BAG3: variants seen among roughly 807,000 people sequenced by gnomAD.
The protein encoded by BAG3 is BAG cochaperone 3, also known as BAG family molecular chaperone regulator 3.
BAG3 carries 14 observed loss-of-function variants against 40.5 expected under a neutral mutation model. The ratio of observed to expected loss-of-function variants is 0.35; its 90% CI spans 0.23 to 0.54. The LOEUF (loss-of-function observed/expected upper bound fraction) is 0.54. Ranked by LOEUF, BAG3 falls within the 20% of genes least tolerant of loss-of-function variation. The pLI is 0.91. For missense variants in BAG3, 788 were observed against 758.6 expected, an observed-to-expected ratio of 1.04 and a Z score of -0.46; for synonymous variants, 302 against 307.8, an observed-to-expected ratio of 0.98 and a Z score of 0.20.
At chr10:119,675,931 C>G (rs1186196238) in intron 3 of BAG3, among the ~76,000 whole-genome samples, 1 of 51,376 alleles carries the variant, frequency 1.9e-5, no homozygotes, top group Non-Finnish European at 4.1e-5. Flanking sequence ...CTCCCTCCCT[C>G]CCTTCCTTCT....
chr10:119,665,802 G>GT (rs58434745), intron 1 of BAG3, among the ~76,000 whole-genome samples: 46 of 150,730 alleles, frequency 3.1e-4, no homozygotes, highest in African/African-American at 1.0e-3. Flanking sequence ...TGTTGTTGTT[G>GT]TTTTTTTTTA....
At chr10:119,670,436 C>T (rs764006697) in intron 2 of BAG3, among the ~76,000 whole-genome samples, 6 of 152,200 alleles carry the variant, frequency 3.9e-5, no homozygotes, top group African/African-American at 1.4e-4. Context: ...AGGAACGGCT[C>T]GGAAGGGCAC....
At chr10:119,671,676 A>G (rs1463913060) in intron 2 of BAG3, among the ~76,000 whole-genome samples, 4 of 152,230 alleles carry the variant, frequency 2.6e-5, no homozygotes, top group Non-Finnish European at 4.4e-5. Flanking sequence ...CACTCTTCCT[A>G]TATTTCAAAT....
chr10:119,671,692 T>C (rs1168891661), intron 2 of BAG3, among the ~76,000 whole-genome samples: 1 of 152,222 alleles, frequency 6.6e-6, no homozygotes, highest in Admixed American at 6.5e-5. Context: ...CAAATGAAGC[T>C]TAGAAAATGA....
intron 1 of BAG3, among the ~76,000 whole-genome samples, chr10:119,654,464 G>A (rs959831053): frequency 3.3e-5 from 5 of 152,150 alleles, no homozygotes; most frequent in African/African-American, 4.8e-5. Flanking sequence ...ATTTTATTTC[G>A]TCTTCTACTG....
At chr10:119,657,139 C>T (rs1201213253) in intron 1 of BAG3, among the ~76,000 whole-genome samples, 6 of 152,120 alleles carry the variant, frequency 3.9e-5, no homozygotes, top group Non-Finnish European at 8.8e-5. Flanking sequence ...GAACCTGGGT[C>T]TGGATTTAGG....
At chr10:119,664,764 G>A (rs1387050715) in intron 1 of BAG3, among the ~76,000 whole-genome samples, 1 of 152,164 alleles carries the variant, frequency 6.6e-6, no homozygotes. Flanking sequence ...GTAGACTGAA[G>A]AGACATGTTT....
chr10:119,668,310 GT>G (rs1457470690), intron 1 of BAG3, among the ~76,000 whole-genome samples: 2 of 152,254 alleles, frequency 1.3e-5, no homozygotes, highest in Non-Finnish European at 2.9e-5. Flanking sequence ...TTAATGGTCT[GT>G]TCTCTCAAAG....
chr10:119,673,297 C>G (rs149018895), intron 3 of BAG3, among the ~76,000 whole-genome samples: 2 of 152,202 alleles, frequency 1.3e-5, no homozygotes, highest in African/African-American at 4.8e-5. Context: ...CAGAAGTGTT[C>G]ATTTTATCTC....
chr10:119,656,358 G>A (rs1458796111), intron 1 of BAG3, among the ~76,000 whole-genome samples: 1 of 151,104 alleles, frequency 6.6e-6, no homozygotes, highest in East Asian at 1.9e-4. Context: ...CTGCCTCAGA[G>A]CATAGACTCA....
chr10:119,675,322 G>A (rs1847203490), intron 3 of BAG3, among the ~76,000 whole-genome samples: 1 of 152,188 alleles, frequency 6.6e-6, no homozygotes, highest in South Asian at 2.1e-4. Context: ...AACAGAGTGA[G>A]ACCCTGTCCC....
At chr10:119,656,346 T>TTCTGCC (rs1846909939) in intron 1 of BAG3, among the ~76,000 whole-genome samples, 1 of 151,920 alleles carries the variant, frequency 6.6e-6, no homozygotes, top group African/African-American at 2.4e-5. Context: ...TCTGATCTGC[T>TTCTGCC]TCTGCCTCAG....
In BAG3 at chr10:119,651,742, C is replaced by T. The variant is rs747846089; in HGVS notation, c.67C>T (p.Pro23Ser). 41 of 1,598,946 alleles carry T rather than the reference C, an allele frequency of 2.6e-5. No individual in the cohort carries two copies. The highest frequency in any genetic ancestry group is 3.2e-5 in the Non-Finnish European group (38 of 1,173,324). ...CGGCAACGGTGACCGCGACCCTTTG[C>T]CCCCCGGATGGGAGATCAAGATCGA... is the stretch of plus-strand genomic sequence containing the variant. ...ASGNGDRDPL[P>S]PGWEIKIDPQ... Residue 23 changes from proline to serine, a missense_variant, in exon 1 of 4, where the codon CCC becomes TCC. Transcript: ENST00000369085.
intron 1 of BAG3, among the ~76,000 whole-genome samples, chr10:119,665,142 A>ATTTTTTTTTTT (rs1366963228): frequency 2.3e-5 from 2 of 87,826 alleles, no homozygotes; most frequent in African/African-American, 9.4e-5. Context: ...ATATATATAT[A>ATTTTTTTTTTT]TATTTTTTTT....
intron 1 of BAG3, among the ~76,000 whole-genome samples, chr10:119,667,140 C>G (rs11199063): frequency 0.19 from 29,408 of 151,990 alleles, 3,247 homozygotes; most frequent in Non-Finnish European, 0.26. Flanking sequence ...CCATGCCCAG[C>G]TAATCTTTGT....
intron 3 of BAG3, among the ~76,000 whole-genome samples, chr10:119,674,422 A>G (rs1319910370): frequency 6.6e-6 from 1 of 152,202 alleles, no homozygotes; most frequent in Non-Finnish European, 1.5e-5. Flanking sequence ...GTTTCTCATC[A>G]TCAGTGAAAT....
In BAG3 at chr10:119,671,164, C is replaced by T. The variant is rs888756138; in HGVS notation, c.507+987C>T. 8.5e-5 allele frequency among the ~76,000 whole-genome samples: 13 copies of T among 152,174 alleles called. No individual in the cohort carries two copies. The East Asian group carries it at 9.7e-4, about 11-fold the overall frequency. Reference sequence around the variant, plus strand: ...CTCTACAAAAAATACAAAAATTAGCCGGGCATGGTGGCACATTCCTGTAAT... The same window carrying T: ...CTCTACAAAAAATACAAAAATTAGCTGGGCATGGTGGCACATTCCTGTAAT... On this transcript the variant is annotated intron_variant, in intron 2 of 3. Coordinates refer to ENST00000369085, the MANE Select transcript of BAG3 (RefSeq NM_004281.4).
At chr10:119,664,972 G>A (rs1847038390) in intron 1 of BAG3, among the ~76,000 whole-genome samples, 1 of 151,686 alleles carries the variant, frequency 6.6e-6, no homozygotes, top group Non-Finnish European at 1.5e-5. Context: ...AGGCTAGAGT[G>A]CAATGGTGTG....
At position 119,672,622 on chromosome 10, in the gene BAG3, C is replaced by T. The variant is rs748451757; in HGVS notation, c.875C>T (p.Pro292Leu). ...AGCACGCCACTCCACTCCCCCTCGC[C>T]CATCCGTGTGCACACCGTGGTCGAC... is the stretch of plus-strand genomic sequence containing the variant. ...RSSTPLHSPS[P>L]IRVHTVVDRP... Residue 292 changes from proline to leucine, a missense_variant, in exon 3 of 4, where the codon CCC becomes CTC. Pro to Leu is a moderately conservative substitution (Grantham distance 98). Transcript: ENST00000369085. The surrounding 1 kb of genome is among the most constrained non-coding windows in gnomAD (Gnocchi z 4.8). The T allele has an allele frequency of 3.7e-6, 6 of 1,613,970 alleles. No individual in the cohort carries two copies. The highest frequency in any genetic ancestry group is 3.3e-5 in the South Asian group (3 of 91,092).
Sources: gnomAD v4.1 joint callset for allele counts (sites outside exome capture counted in the v4.1 genomes callset) on GRCh38, gnomAD v4.1.1 for gene constraint, Gnocchi (gnomAD v3.1) non-coding constraint, MANE v1.5 for transcripts, NCBI Gene and HGNC (gene_info 2026-07-23, HGNC 2026-07-21) for gene names.